Variants in VPS13B observed in about 807,000 individuals in gnomAD.
VPS13B encodes the protein intermembrane lipid transfer protein VPS13B.
Under a neutral mutation model 426.4 loss-of-function variants are expected in VPS13B, and 285 were observed. The ratio of observed to expected loss-of-function variants is 0.67; its 90% CI spans 0.61 to 0.74. The LOEUF is 0.74. Among genes scored for constraint, VPS13B ranks in the 30% least tolerant of loss-of-function variants. The pLI is 0.00. For missense variants in VPS13B, 4,537 were observed against 4,782.6 expected (o/e 0.95, Z 1.51); for synonymous variants, 1,676 against 1,676.4 (o/e 1.00, Z 0.01).
intron 33 of VPS13B, among the ~76,000 whole-genome samples, chr8:99,583,515 G>A (rs566068281): frequency 8.5e-5 from 13 of 152,136 alleles, no homozygotes; most frequent in Non-Finnish European, 1.6e-4. Context: ...GGTAGAGGTT[G>A]TTTGGGGTGG....
chr8:99,586,810 C>G (rs1355423033), intron 33 of VPS13B, among the ~76,000 whole-genome samples: 4 of 152,110 alleles, frequency 2.6e-5, no homozygotes, highest in South Asian at 4.1e-4. Context: ...CATTGACACT[C>G]TTCCCAGAAT....
At chr8:99,749,171 A>C (rs1274221629) in intron 39 of VPS13B, among the ~76,000 whole-genome samples, 1 of 152,064 alleles carries the variant, frequency 6.6e-6, no homozygotes, top group East Asian at 1.9e-4. Flanking sequence ...CATACAATGC[A>C]TAATAATCAC....
In VPS13B at chr8:99,395,959, T is replaced by A. The variant is rs532222799; in HGVS notation, c.3082+4255T>A. ...AAATAAAATATCTGAAATAAAAAAA[T>A]TTAGTGGAATTAGATGTTGAGTAGT... On this transcript the variant is annotated intron_variant, in intron 21 of 61. Transcript: ENST00000357162. 4.0e-4 allele frequency among the ~76,000 whole-genome samples: 61 copies of A among 152,094 alleles called. 1 individual carries two copies. The highest frequency in any genetic ancestry group is 3.4e-3 in the Middle Eastern group (1 of 294).
Position 99,170,160 on chromosome 8 carries a change from G to A in VPS13B, c.2330G>A (p.Cys777Tyr), listed in dbSNP as rs900452617. The change falls in exon 16 of 62, where the codon TGC becomes TAC. Residue 777 changes from cysteine (C) to tyrosine (Y), a missense_variant. Cys to Tyr is a radical substitution (Grantham distance 194). Coordinates refer to ENST00000357162, the MANE Select transcript of VPS13B (RefSeq NM_152564.5). ...GGGAAACTTCTGAAACTCCCCACAT[G>A]CTGGTAAGTCTTACATGTTAAAATG... ...LYGKLLKLPT[C>Y]WTKRSQIAIT... 10 of 1,612,360 alleles carry A rather than the reference G, an allele frequency of 6.2e-6. No individual in the cohort carries two copies. Among genetic ancestry groups the A allele is most frequent in the African/African-American group, 1.3e-5 (1 of 74,968 alleles).
At chr8:99,766,065 A>ATT (rs1209235686) in intron 39 of VPS13B, among the ~76,000 whole-genome samples, 1 of 61,746 alleles carries the variant, frequency 1.6e-5, no homozygotes, top group African/African-American at 7.2e-5. Context: ...CACCTTCATT[A>ATT]CTTTTTTTTT....
rs1379711249 is a variant in VPS13B, at chr8:99,817,783, G to T, written c.8341G>T (p.Glu2781Ter). Residue 2781 changes from glutamate to a stop codon, truncating the protein, a stop_gained, in exon 45 of 62, where the codon GAG (glutamate) becomes TAG (stop). Coordinates refer to ENST00000357162, the MANE Select transcript of VPS13B (RefSeq NM_152564.5). LOFTEE classifies it high-confidence loss of function. ...TGTGTGCCTGGAATCCAAAGCCCCT[G>T]AGTACAGCATTGTCATTCAGGTTTG... ...RDVCLESKAP[E>*]YSIVIQVPSS... is the part of the protein sequence containing the mutation. 1 of 1,614,074 alleles carries T rather than the reference G, an allele frequency of 6.2e-7. No homozygotes were observed. The highest frequency in any genetic ancestry group is 1.7e-5 in the Admixed American group (1 of 60,018).
chr8:99,261,963 T>C (rs1158303808), intron 17 of VPS13B, among the ~76,000 whole-genome samples: 1 of 152,186 alleles, frequency 6.6e-6, no homozygotes, highest in East Asian at 1.9e-4. Context: ...GAACTTTTAC[T>C]TGTCAGATGT....
intron 8 of VPS13B, among the ~76,000 whole-genome samples, chr8:99,130,612 G>A (rs990841152): frequency 1.3e-5 from 2 of 151,896 alleles, no homozygotes; most frequent in African/African-American, 4.8e-5. Flanking sequence ...GGATGGTCTC[G>A]ATCTCCTGAC....
chr8:99,842,011 C>T (rs540364672), intron 54 of VPS13B, among the ~76,000 whole-genome samples: 17 of 152,276 alleles, frequency 1.1e-4, no homozygotes, highest in African/African-American at 3.9e-4. Context: ...ACTCCTGTTC[C>T]CCCTCTACAG....
At chr8:99,408,572 T>G (rs976426098) in intron 21 of VPS13B, among the ~76,000 whole-genome samples, 2 of 152,188 alleles carry the variant, frequency 1.3e-5, no homozygotes, top group African/African-American at 4.8e-5. Context: ...AGAGTTTTGC[T>G]TTGGCTATGT....
intron 17 of VPS13B, among the ~76,000 whole-genome samples, chr8:99,242,601 T>C (rs1816994369): frequency 3.3e-5 from 5 of 152,208 alleles, no homozygotes; most frequent in Admixed American, 3.3e-4. Context: ...ATATGTAATC[T>C]TGTATTCAGT....
intron 24 of VPS13B, among the ~76,000 whole-genome samples, chr8:99,477,320 G>C (rs1388334929): frequency 6.6e-6 from 1 of 151,986 alleles, no homozygotes; most frequent in African/African-American, 2.4e-5. Context: ...TTTCTTTCTT[G>C]TGCTTTCTCA....
At chr8:99,791,443 A>G (rs1284736040) in intron 43 of VPS13B, among the ~76,000 whole-genome samples, 1 of 152,152 alleles carries the variant, frequency 6.6e-6, no homozygotes, top group East Asian at 1.9e-4. Context: ...GAAGATATAC[A>G]TCTATGTGAT....
intron 16 of VPS13B, among the ~76,000 whole-genome samples, chr8:99,192,631 G>A (rs1482667364): frequency 6.6e-6 from 1 of 152,172 alleles, no homozygotes; most frequent in Non-Finnish European, 1.5e-5. Context: ...TGCTTGAGCA[G>A]TATATGTGTA....
chr8:99,140,634 C>G (rs1459931228), intron 12 of VPS13B, among the ~76,000 whole-genome samples: 1 of 146,500 alleles, frequency 6.8e-6, no homozygotes, highest in East Asian at 2.1e-4. Context: ...CCTTCCTCCT[C>G]CTCCCCCTCC....
At chr8:99,521,097 A>G in intron 30 of VPS13B, 87 bp downstream of exon 30, 1 of 1,077,552 alleles carries the variant, frequency 9.3e-7, no homozygotes, top group Middle Eastern at 2.0e-4. Flanking sequence ...TGGCCTGTAG[A>G]AATATTTCTC....
chr8:99,503,465 G>A (rs533888297), intron 27 of VPS13B, among the ~76,000 whole-genome samples: 1 of 152,180 alleles, frequency 6.6e-6, no homozygotes, highest in Non-Finnish European at 1.5e-5. Context: ...TCTGTAGCAT[G>A]TGATGCTGTT....
At chr8:99,446,722 A>G (rs900147125) in intron 23 of VPS13B, among the ~76,000 whole-genome samples, 1 of 152,170 alleles carries the variant, frequency 6.6e-6, no homozygotes, top group Non-Finnish European at 1.5e-5. Context: ...AAAGTCTAAC[A>G]TACAGAAAAT....
intron 34 of VPS13B, among the ~76,000 whole-genome samples, chr8:99,655,446 A>G (rs894908385): frequency 1.3e-5 from 2 of 152,124 alleles, no homozygotes; most frequent in African/African-American, 4.8e-5. Flanking sequence ...GTGTCCATAA[A>G]CTGCTGTTGT....
Sources: allele counts gnomAD v4.1 joint callset (sites outside exome capture counted in the v4.1 genomes callset), GRCh38; gene constraint gnomAD v4.1.1; transcripts MANE v1.5; gene names NCBI Gene and HGNC (gene_info 2026-07-23, HGNC 2026-07-21).